Variants in OSBPL3 observed in about 807,000 individuals in gnomAD.
OSBPL3 encodes oxysterol-binding protein-related protein 3.
A neutral mutation model predicts 120.1 loss-of-function variants in OSBPL3; 65 were observed. The ratio of observed to expected loss-of-function variants is 0.54; its 90% CI spans 0.44 to 0.67. OSBPL3 has a LOEUF of 0.67. OSBPL3 is among the 30% of genes least tolerant of loss of function. The pLI is 0.00. For synonymous variants in OSBPL3, 416 were observed against 402.6 expected (o/e 1.03, Z -0.40); for missense variants, 1,004 against 1,082.1 (o/e 0.93, Z 1.01).
At chr7:24,943,489 T>G (rs1584694490) in intron 1 of OSBPL3, among the ~76,000 whole-genome samples, 1 of 152,332 alleles carries the variant, frequency 6.6e-6, no homozygotes, top group East Asian at 1.9e-4. Context: ...ACCTCAAATC[T>G]TACCTGCATA....
Position 24,816,619 on chromosome 7 carries a change from G to T in OSBPL3, c.2018C>A (p.Thr673Asn), listed in dbSNP as rs757478916. The change falls in exon 18 of 23, where the codon ACT (threonine) becomes AAT (asparagine). Residue 673 changes from threonine (T) to asparagine (N), a missense_variant. Thr to Asn is a moderately conservative substitution (Grantham distance 65, BLOSUM62 0). Coordinates refer to ENST00000313367, the MANE Select transcript of OSBPL3 (RefSeq NM_015550.4). ...CAGAAGAAGAACTTACACTGGCAGAGTCACATGGGTTGTGCCAATTGGAAC... is the reference window on the plus strand; with the variant it reads ...CAGAAGAAGAACTTACACTGGCAGATTCACATGGGTTGTGCCAATTGGAAC... The part of the protein sequence containing the change: ...EIVPIGTTHV[T>N]LPVFGDHFEW... The T allele has an allele frequency of 6.2e-7, 1 of 1,610,436 alleles. No homozygotes were observed. Among genetic ancestry groups the T allele is most frequent in the East Asian group, 2.2e-5 (1 of 44,866 alleles).
intron 1 of OSBPL3, among the ~76,000 whole-genome samples, chr7:24,897,201 C>G (rs372402294): frequency 1.3e-5 from 2 of 152,084 alleles, no homozygotes; most frequent in East Asian, 3.8e-4. Context: ...AGAATAGACA[C>G]TCCACAGATG....
At chr7:24,976,740 C>G (rs1817631033) in intron 1 of OSBPL3, among the ~76,000 whole-genome samples, 1 of 152,192 alleles carries the variant, frequency 6.6e-6, no homozygotes. Context: ...CTCCAACCCT[C>G]CCTGGAGTAC....
Position 24,861,756 on chromosome 7 carries a change from A to G in OSBPL3, c.884T>C (p.Phe295Ser), listed in dbSNP as rs1475010956. The stretch of plus-strand genomic sequence containing the variant: ...GGAGTGTAGTCTTACTGGGCCAGAA[A>G]AAGGTTTCGGGACCTGAAGTAACAC... ...AKGTLQVPKP[F>S]SGPVRLHSSN... Residue 295 changes from phenylalanine to serine, a missense_variant, in exon 10 of 23, where the codon TTT (phenylalanine) becomes TCT (serine). By Grantham distance (155) the Phe-to-Ser change is radical. Around this residue, in one of 4 missense-constraint regions of OSBPL3, gnomAD observed 272 missense variants for 248.8 expected, o/e 1.09. Transcript: ENST00000313367. The G allele has an allele frequency of 5.6e-6, 9 of 1,593,852 alleles. No homozygotes were observed. Among genetic ancestry groups the G allele is most frequent in the Non-Finnish European group, 7.7e-6 (9 of 1,172,254 alleles).
At chr7:24,963,444 C>T (rs1349528605) in intron 1 of OSBPL3, among the ~76,000 whole-genome samples, 1 of 152,244 alleles carries the variant, frequency 6.6e-6, no homozygotes. Flanking sequence ...AACCAGGCAA[C>T]ACAGACTCAC....
chr7:24,805,513 G>A lies in OSBPL3; in HGVS notation c.2445-1076C>T, dbSNP rs57347218. On this transcript the variant is annotated intron_variant, in intron 21 of 22. Coordinates refer to ENST00000313367, the MANE Select transcript of OSBPL3 (RefSeq NM_015550.4). This position sits in a 1 kb window ranked among gnomAD's most constrained non-coding sequence, Gnocchi z 4.0. ...ACCACATACGTTATTAATATATACT[G>A]TATATTTCCAATTAACTCCATTCTT... 0.15 allele frequency among the ~76,000 whole-genome samples: 23,078 copies of A among 151,974 alleles called. 4,290 individuals are homozygous for A. Among genetic ancestry groups the A allele is most frequent in the African/African-American group, 0.44 (18,407 of 41,396 alleles).
intron 14 of OSBPL3, among the ~76,000 whole-genome samples, chr7:24,837,826 C>A (rs1797200642): frequency 6.6e-6 from 1 of 152,168 alleles, no homozygotes; most frequent in African/African-American, 2.4e-5. Flanking sequence ...CTGGGGCTAA[C>A]CAAGGAAGTC....
At chr7:24,884,888 T>A (rs762459378) in intron 2 of OSBPL3, among the ~76,000 whole-genome samples, 1 of 152,188 alleles carries the variant, frequency 6.6e-6, no homozygotes, top group East Asian at 1.9e-4. Flanking sequence ...TCCCTCCTCC[T>A]TGACTGGACT....
At chr7:24,845,383 G>GT (rs1491220528) in intron 12 of OSBPL3, among the ~76,000 whole-genome samples, 8 of 4,214 alleles carry the variant, frequency 1.9e-3, no homozygotes, top group Admixed American at 5.6e-3. Context: ...TGCAAAATAA[G>GT]TAAAAAAAAA....
In OSBPL3 at chr7:24,916,256, G is replaced by C. The variant is rs1809538034; in HGVS notation, c.-149-23635C>G. ...TCAAATTGAATGTTTTACTTTTAAAGCCATGTTTTGTTTGAACTCAGTCTT... is the reference window on the plus strand; with the variant it reads ...TCAAATTGAATGTTTTACTTTTAAACCCATGTTTTGTTTGAACTCAGTCTT... On this transcript the variant is annotated intron_variant, in intron 1 of 22. Transcript: ENST00000313367. The surrounding 1 kb of genome is among the most constrained non-coding windows in gnomAD (Gnocchi z 4.9). 6.6e-6 allele frequency among the ~76,000 whole-genome samples: 1 copy of C among 152,094 alleles called. No homozygotes were observed. The highest frequency in any genetic ancestry group is 2.4e-5 in the African/African-American group (1 of 41,418).
Position 24,900,426 on chromosome 7 carries a change from G to A in OSBPL3, c.-149-7805C>T, listed in dbSNP as rs535307597. Among the ~76,000 whole-genome samples, 2 of 152,282 alleles carry A rather than the reference G, an allele frequency of 1.3e-5. No homozygotes were observed. The highest frequency in any genetic ancestry group is 1.9e-4 in the East Asian group (1 of 5,188). The stretch of plus-strand genomic sequence containing the variant: ...ATTAGCCTACGGTAAAATTAGCTTC[G>A]TATATATCGTTTCACTTGAAGTCAC... On this transcript the variant is annotated intron_variant, in intron 1 of 22. Coordinates refer to ENST00000313367, the MANE Select transcript of OSBPL3 (RefSeq NM_015550.4). This position sits in a 1 kb window ranked among gnomAD's most constrained non-coding sequence, Gnocchi z 4.5.
At chr7:24,870,351 C>G (rs1018030408) in intron 5 of OSBPL3, among the ~76,000 whole-genome samples, 2 of 152,168 alleles carry the variant, frequency 1.3e-5, no homozygotes, top group African/African-American at 2.4e-5. Flanking sequence ...AGTGATAAAA[C>G]AGGGCTCCAT....
chr7:24,957,944 G>C (rs1815267462), intron 1 of OSBPL3, among the ~76,000 whole-genome samples: 1 of 151,960 alleles, frequency 6.6e-6, no homozygotes, highest in African/African-American at 2.4e-5. Context: ...TTTAGAGACT[G>C]TTCCATATCA....
chr7:24,980,431 C>T (rs1246183592), upstream of OSBPL3, among the ~76,000 whole-genome samples: 9 of 151,914 alleles, frequency 5.9e-5, no homozygotes, highest in East Asian at 1.9e-4. Context: ...CGGAGGGAGG[C>T]GAGTCCTGCG....
rs1421402485 is a variant in OSBPL3 at position 24,872,382 on chromosome 7, T to A, written c.97-313A>T. Reference sequence around the variant, plus strand: ...CCTGTAAGTTCTATTTTTGTTCAGTTTGACATTACCATGCAATTACTGTTC... The same window carrying A: ...CCTGTAAGTTCTATTTTTGTTCAGTATGACATTACCATGCAATTACTGTTC... On this transcript the variant is annotated intron_variant, in intron 2 of 22. Coordinates refer to ENST00000313367, the MANE Select transcript of OSBPL3 (RefSeq NM_015550.4). The surrounding 1 kb of genome is among the most constrained non-coding windows in gnomAD (Gnocchi z 4.1). Among the ~76,000 whole-genome samples, 1 of 152,006 alleles carries A rather than the reference T, an allele frequency of 6.6e-6. No individual in the cohort carries two copies. The highest frequency in any genetic ancestry group is 1.5e-5 in the Non-Finnish European group (1 of 68,002).
rs1181116770 is a variant in OSBPL3 at position 24,830,040 on chromosome 7, A to T, written c.1884+728T>A. 6.6e-6 allele frequency among the ~76,000 whole-genome samples: 1 copy of T among 152,256 alleles called. No individual in the cohort carries two copies. Among genetic ancestry groups the T allele is most frequent in the Admixed American group, 6.5e-5 (1 of 15,288 alleles). The stretch of plus-strand genomic sequence containing the variant: ...CACTCTCAAGAGCAAACTAAAGCAC[A>T]GAGAAGCTATGTAACTTGCCTTGGG... On this transcript the variant is annotated intron_variant, in intron 16 of 22. Coordinates refer to ENST00000313367, the MANE Select transcript of OSBPL3 (RefSeq NM_015550.4). This position sits in a 1 kb window ranked among gnomAD's most constrained non-coding sequence, Gnocchi z 4.4.
Position 24,827,694 on chromosome 7 carries a change from C to T in OSBPL3, c.1884+3074G>A, listed in dbSNP as rs182355324. Among the ~76,000 whole-genome samples the T allele has an allele frequency of 6.6e-6, 1 of 152,332 alleles. No individual in the cohort carries two copies. The highest frequency in any genetic ancestry group is 1.5e-5 in the Non-Finnish European group (1 of 68,030). On this transcript the variant is annotated intron_variant, in intron 16 of 22. Coordinates refer to ENST00000313367, the MANE Select transcript of OSBPL3 (RefSeq NM_015550.4). The surrounding 1 kb of genome is among the most constrained non-coding windows in gnomAD (Gnocchi z 5.1). Reference sequence around the variant, plus strand: ...AGTGTGAATTTATCCCTGAGAGACTCATCCATTCTTAGGTATATTAAAATA... The same window carrying T: ...AGTGTGAATTTATCCCTGAGAGACTTATCCATTCTTAGGTATATTAAAATA...
At chr7:24,866,838 G>T (rs181453014) in intron 5 of OSBPL3, among the ~76,000 whole-genome samples, 1 of 152,280 alleles carries the variant, frequency 6.6e-6, no homozygotes, top group Admixed American at 6.5e-5. Context: ...GTCTTGCCTT[G>T]TTGCCCAGGC....
intron 18 of OSBPL3, among the ~76,000 whole-genome samples, chr7:24,816,327 T>C (rs955968894): frequency 1.3e-5 from 2 of 152,210 alleles, no homozygotes; most frequent in African/African-American, 2.4e-5. Context: ...TGCGCCCAGC[T>C]AAAACCACCA....
Sources: gnomAD v4.1 joint callset for allele counts (sites outside exome capture counted in the v4.1 genomes callset) on GRCh38, gnomAD v4.1.1 for gene constraint, gnomAD v4.1.1 regional missense constraint, Gnocchi (gnomAD v3.1) non-coding constraint, MANE v1.5 for transcripts, NCBI Gene and HGNC (gene_info 2026-07-23, HGNC 2026-07-21) for gene names.